The following ESRRG variants were observed in gnomAD, a reference collection of about 807,000 sequenced individuals.
The protein encoded by ESRRG is estrogen related receptor gamma.
Under a neutral mutation model 44.0 loss-of-function variants are expected in ESRRG, and 13 were observed. The observed-to-expected ratio is 0.30, with a 90% CI of 0.19 to 0.47. The LOEUF (loss-of-function observed/expected upper bound fraction) is 0.47. Ranked by LOEUF, ESRRG falls within the 20% of genes least tolerant of loss-of-function variation. The pLI, the probability that ESRRG is intolerant of heterozygous loss-of-function variation, is 1.00. For synonymous variants in ESRRG, 215 were observed against 214.6 expected (o/e 1.00, Z -0.02); for missense variants, 395 against 580.6 (o/e 0.68, Z 3.29).
chr1:217,053,133 T>TAAAAAAAAAA (rs71303007), intron 1 of ESRRG, among the ~76,000 whole-genome samples: 11 of 119,026 alleles, frequency 9.2e-5, no homozygotes, highest in African/African-American at 2.4e-4. Flanking sequence ...AATCCCATCT[T>TAAAAAAAAAA]AAAAAAAAAA....
intron 3 of ESRRG, among the ~76,000 whole-genome samples, chr1:216,579,074 T>C (rs2062223199): frequency 1.3e-5 from 2 of 152,106 alleles, no homozygotes; most frequent in Non-Finnish European, 2.9e-5. Flanking sequence ...AAATAAGCAA[T>C]GTTTCCTGTT....
intron 1 of ESRRG, among the ~76,000 whole-genome samples, chr1:216,977,492 A>G (rs954094943): frequency 1.3e-5 from 2 of 152,288 alleles, no homozygotes; most frequent in African/African-American, 4.8e-5. Flanking sequence ...AAACCCTTCT[A>G]CATAGAATGT....
chr1:216,645,350 A>G (rs919947108), intron 3 of ESRRG, among the ~76,000 whole-genome samples: 2 of 152,120 alleles, frequency 1.3e-5, no homozygotes, highest in Admixed American at 6.5e-5. Context: ...CATCATCATC[A>G]TCATCATCAT....
At chr1:216,951,416 T>A (rs1034596965) in intron 1 of ESRRG, among the ~76,000 whole-genome samples, 4 of 152,104 alleles carry the variant, frequency 2.6e-5, no homozygotes, top group Non-Finnish European at 5.9e-5. Flanking sequence ...CAGAAGGCAG[T>A]GATATATATT....
At chr1:216,692,818 C>A (rs1002039685) in intron 1 of ESRRG, among the ~76,000 whole-genome samples, 1 of 152,166 alleles carries the variant, frequency 6.6e-6, no homozygotes, top group African/African-American at 2.4e-5. Context: ...GTAACAATTG[C>A]CTACATTATT....
intron 1 of ESRRG, among the ~76,000 whole-genome samples, chr1:217,047,586 A>C (rs192207848): frequency 9.7e-4 from 148 of 152,322 alleles, no homozygotes; most frequent in African/African-American, 3.4e-3. Context: ...AGTAGGGAGA[A>C]TATTTTGGAA....
chr1:216,974,888 T>A (rs537904885), intron 1 of ESRRG, among the ~76,000 whole-genome samples: 6 of 151,970 alleles, frequency 3.9e-5, no homozygotes, highest in East Asian at 3.8e-4. Context: ...TTTTTTTTTT[T>A]AATTTTCTTT....
rs1181186169 is a variant in ESRRG at position 216,553,353 on chromosome 1, GT to G, written c.862+10865del. On this transcript the variant is annotated intron_variant, in intron 5 of 6. Coordinates refer to ENST00000408911, the MANE Select transcript of ESRRG (RefSeq NM_001438.4). ...GCTGCTCTTTGGAGACACCCCTAGT[GT>G]TATGGTATTTAATTGGGCTCAGATG... is the stretch of plus-strand genomic sequence containing the variant. Among the ~76,000 whole-genome samples, 16 of 152,268 alleles carry G rather than the reference GT, an allele frequency of 1.1e-4. No homozygotes were observed. The East Asian group carries it at 2.9e-3, about 28-fold the overall frequency.
At chr1:216,659,497 G>C (rs998021084) in intron 2 of ESRRG, among the ~76,000 whole-genome samples, 1 of 152,114 alleles carries the variant, frequency 6.6e-6, no homozygotes, top group Non-Finnish European at 1.5e-5. Context: ...GATCTGATTA[G>C]AACAGAGGAC....
intron 1 of ESRRG, among the ~76,000 whole-genome samples, chr1:216,698,258 C>T (rs924832780): frequency 2.0e-5 from 3 of 152,108 alleles, no homozygotes; most frequent in East Asian, 1.9e-4. Context: ...TGGCTCACGC[C>T]TGTAATCCCA....
At chr1:217,001,262 T>A (rs1450516050) in intron 1 of ESRRG, among the ~76,000 whole-genome samples, 1 of 152,232 alleles carries the variant, frequency 6.6e-6, no homozygotes, top group East Asian at 1.9e-4. Context: ...ACACAGTGCT[T>A]ATTTCTGAAT....
At chr1:217,052,309 T>C (rs1283180407) in intron 1 of ESRRG, among the ~76,000 whole-genome samples, 1 of 152,152 alleles carries the variant, frequency 6.6e-6, no homozygotes, top group Non-Finnish European at 1.5e-5. Flanking sequence ...TCAAAACAGA[T>C]CAACTTTAAG....
chr1:216,789,023 A>T lies in ESRRG; in HGVS notation c.-13-111532T>A, dbSNP rs963123703. Among the ~76,000 whole-genome samples, 7 of 152,162 alleles carry T rather than the reference A, an allele frequency of 4.6e-5. No individual in the cohort carries two copies. The East Asian group carries it at 1.3e-3, about 29-fold the overall frequency. On this transcript the variant is annotated intron_variant, in intron 2 of 7. Transcript: ENST00000359162. ...TCTTACGGATGAGTGGTTTCTTGAG[A>T]TGGAATCTACTTCTTGTGAAAAGGC...
In ESRRG at chr1:217,122,849, C is replaced by A. The variant is rs894068566; in HGVS notation, c.-230+14818G>T. Among the ~76,000 whole-genome samples the A allele has an allele frequency of 7.3e-5, 11 of 150,456 alleles. No individual in the cohort carries two copies. The East Asian group carries it at 2.1e-3, about 29-fold the overall frequency. On this transcript the variant is annotated intron_variant, in intron 1 of 8. Coordinates refer to the ESRRG transcript ENST00000366940. Reference sequence around the variant, plus strand: ...CCATGACCAGCTAATTTTCTTTTTTCTTTTTTTTTATTTTTAGTACAGACG... The same window carrying A: ...CCATGACCAGCTAATTTTCTTTTTTATTTTTTTTTATTTTTAGTACAGACG...
In ESRRG at chr1:216,673,114, G is replaced by C. The variant is rs373565551; in HGVS notation, c.472+3962C>G. Among the ~76,000 whole-genome samples, 4 of 151,994 alleles carry C rather than the reference G, an allele frequency of 2.6e-5. No homozygotes were observed. In the East Asian group the frequency reaches 7.8e-4, roughly 29 times the overall value. ...TTAATGGAGGGGAGGGAGAGACTAC[G>C]ATCTGTTAAGGGTGGTTTGGCTGCA... On this transcript the variant is annotated intron_variant, in intron 2 of 6. Coordinates refer to ENST00000408911, the MANE Select transcript of ESRRG (RefSeq NM_001438.4).
intron 2 of ESRRG, among the ~76,000 whole-genome samples, chr1:216,822,000 G>A (rs1056299872): frequency 6.6e-6 from 1 of 151,978 alleles, no homozygotes; most frequent in African/African-American, 2.4e-5. Context: ...CCAAGCAGAA[G>A]GGGGGTTAGA....
intron 2 of ESRRG, among the ~76,000 whole-genome samples, chr1:216,741,070 C>T (rs981795882): frequency 2.6e-5 from 4 of 151,364 alleles, no homozygotes; most frequent in East Asian, 1.9e-4. Flanking sequence ...TCTTCTTTCA[C>T]GCCCCCGTCC....
chr1:216,520,217 C>T lies in ESRRG; in HGVS notation c.863-796G>A, dbSNP rs185871913. Among the ~76,000 whole-genome samples, 555 of 152,260 alleles carry T rather than the reference C, an allele frequency of 3.6e-3. 1 individual carries two copies. The highest frequency in any genetic ancestry group is 0.013 in the African/African-American group (540 of 41,556). On this transcript the variant is annotated intron_variant, in intron 5 of 6. Transcript: ENST00000408911. ...TACTGGCTCCACTTAGCTACTGGCT[C>T]TTTCACCTTGAGCAAGAGAAATTAA...
At chr1:216,562,697 G>A (rs1030011088) in intron 5 of ESRRG, among the ~76,000 whole-genome samples, 1 of 151,688 alleles carries the variant, frequency 6.6e-6, no homozygotes, top group Non-Finnish European at 1.5e-5. Context: ...AGAAATCCTG[G>A]GTGAAAATGA....
Sources: allele counts gnomAD v4.1 joint callset (sites outside exome capture counted in the v4.1 genomes callset), GRCh38; gene constraint gnomAD v4.1.1; transcripts MANE v1.5; gene names NCBI Gene and HGNC (gene_info 2026-07-23, HGNC 2026-07-21).